CCDC9B: variants seen among roughly 807,000 people sequenced by gnomAD.
CCDC9B encodes the protein coiled-coil domain-containing protein 9B.
Under a neutral mutation model 47.2 loss-of-function variants are expected in CCDC9B, and 40 were observed. The ratio of observed to expected loss-of-function variants is 0.85; its 90% confidence interval spans 0.66 to 1.10. CCDC9B has a LOEUF of 1.10. CCDC9B is among the 50% of genes least tolerant of loss of function. The pLI is 0.00. For synonymous variants in CCDC9B, 238 were observed against 250.7 expected (o/e 0.95, Z 0.48); for missense variants, 662 against 651.0 (o/e 1.02, Z -0.18).
chr15:40,336,088 T>A (rs1256782089), intron 9 of CCDC9B: 1 of 985,258 alleles, frequency 1.0e-6, no homozygotes, highest in East Asian at 1.1e-4. Context: ...GGCCTCCATC[T>A]CCTTGCCAAA....
In CCDC9B at chr15:40,336,577, C is replaced by T. The variant is rs370895955; in HGVS notation, c.884G>A (p.Arg295Gln). The T allele has an allele frequency of 5.5e-5, 89 of 1,611,362 alleles. No individual in the cohort carries two copies. Among genetic ancestry groups the T allele is most frequent in the Non-Finnish European group, 6.8e-5 (80 of 1,179,418 alleles). ...TTTGTCCCCTGCCACCTGTTACCTT[C>T]GGGCCCTGCCAGTCAGCCTCTCCTT... is the stretch of plus-strand genomic sequence containing the variant. ...RGKERLTGRA[R>Q]RWDMKEDKEE... Residue 295 changes from arginine (R) to glutamine (Q), a missense_variant, in exon 9 of 11, where the codon CGA (arginine) becomes CAA (glutamine). By Grantham distance (43) the Arg-to-Gln change is conservative. Transcript: ENST00000397536.
chr15:40,335,181 G>C lies in CCDC9B; in HGVS notation c.1450C>G (p.Pro484Ala), dbSNP rs768598403. The C allele has an allele frequency of 6.6e-7, 1 of 1,514,362 alleles. No homozygotes were observed. The highest frequency in any genetic ancestry group is 8.8e-7 in the Non-Finnish European group (1 of 1,130,780). The allele number at this position is 1,514,362 out of a possible 1,614,324, so 93.8% of individuals were successfully genotyped here. The stretch of plus-strand genomic sequence containing the variant: ...GTTCAGCATCTTCCTGCCGGGCCAG[G>C]GCGCCCTGTCCTGCGCCTCACACCT... ...TAGVRRRTGR[P>A]GPAGRC is the part of the protein sequence containing the mutation. Residue 484 changes from proline to alanine, a missense_variant, in exon 11 of 11, where the codon CCT becomes GCT. Pro to Ala is a conservative substitution (Grantham distance 27). Coordinates refer to ENST00000397536, the MANE Select transcript of CCDC9B (RefSeq NM_207380.3).
intron 5 of CCDC9B, 28 bp from the exon 6 acceptor site, chr15:40,337,921 G>A: frequency 6.3e-7 from 1 of 1,578,200 alleles, no homozygotes; most frequent in South Asian, 1.2e-5. Flanking sequence ...TCAGAGTGAG[G>A]GGGAGAAGCA....
intron 2 of CCDC9B, 93 bp downstream of exon 2, chr15:40,339,812 G>C (rs544770916): frequency 7.2e-6 from 10 of 1,392,532 alleles, no homozygotes; most frequent in Non-Finnish European, 1.0e-5. Flanking sequence ...AGCCCCAGAG[G>C]CGCATTGCTG....
intron 7 of CCDC9B, chr15:40,337,170 C>T: frequency 3.0e-6 from 2 of 677,248 alleles, no homozygotes. Flanking sequence ...CCTTCTGGGG[C>T]CTTCTGCTCA....
Position 40,335,285 on chromosome 15 carries a change from C to G in CCDC9B, c.1346G>C (p.Gly449Ala), listed in dbSNP as rs1244379324. The G allele has an allele frequency of 6.2e-7, 1 of 1,611,684 alleles. No homozygotes were observed. Among genetic ancestry groups the G allele is most frequent in the Non-Finnish European group, 8.5e-7 (1 of 1,178,664 alleles). Reference protein sequence around the residue: ...GLPEPGEDRSGKSGAQQGLAP... With the variant: ...GLPEPGEDRSAKSGAQQGLAP... ...CAGGCCCTGCTGGGCCCCAGACTTG[C>G]CAGACCTGTCTTCTCCGGGCTCTGG... Residue 449 changes from glycine (G) to alanine (A), a missense_variant, in exon 11 of 11, where the codon GGC becomes GCC. Physicochemically the swap from Gly to Ala is moderately conservative, Grantham distance 60. Transcript: ENST00000397536.
rs199502649 is a variant in CCDC9B, at chr15:40,335,339, C to A, written c.1292G>T (p.Cys431Phe). The change falls in exon 11 of 11, where the codon TGC (cysteine) becomes TTC (phenylalanine). Residue 431 changes from cysteine to phenylalanine, a missense_variant. Physicochemically the swap from Cys to Phe is radical, Grantham distance 205. Transcript: ENST00000397536. The stretch of plus-strand genomic sequence containing the variant: ...CCCTGCTCCTCTCTGTGGCTCAGGG[C>A]AAGTCTGTACTTCCAGCTCAGCCTG... ...NHQAELEVQTCPEPQRGAGLP... is the reference protein window; with the variant it reads ...NHQAELEVQTFPEPQRGAGLP... 3.7e-6 allele frequency: 6 copies of A among 1,613,558 alleles called. No homozygotes were observed. The South Asian group carries it at 4.4e-5, about 12-fold the overall frequency.
rs201660531 is a variant in CCDC9B, at chr15:40,337,446, C to A, written c.684G>T (p.Thr228=). 1.1e-5 allele frequency: 17 copies of A among 1,562,432 alleles called. No individual in the cohort carries two copies. In the African/African-American group the frequency reaches 2.2e-4, roughly 20 times the overall value. The change falls in exon 7 of 11, where the codon ACG becomes ACT. Residue 228 remains threonine (T), a splice_region_variant and synonymous_variant. Coordinates refer to ENST00000397536, the MANE Select transcript of CCDC9B (RefSeq NM_207380.3). The part of the protein sequence containing the change: ...RPWDLDKAKS[T]LQDCSQLRGE... ...CCCTCAGCTGGCTGCAGTCCTGTAG[C>A]CTGTGTAGACAGAGGGAGTCAGGTT...
In CCDC9B at chr15:40,332,190, C is replaced by T. The variant is rs905337062; in HGVS notation, c.*2968G>A. On this transcript the variant is annotated 3_prime_UTR_variant, in exon 11 of 11. Coordinates refer to ENST00000397536, the MANE Select transcript of CCDC9B (RefSeq NM_207380.3). ...ACAAAGGAGCCAGGAAGAGGTAGAACCAGCTTCCCATGATGCCAAGCTCTG... is the reference window on the plus strand; with the variant it reads ...ACAAAGGAGCCAGGAAGAGGTAGAATCAGCTTCCCATGATGCCAAGCTCTG... 6.6e-6 allele frequency: 1 copy of T among 152,212 alleles called. No individual in the cohort carries two copies. The highest frequency in any genetic ancestry group is 1.5e-5 in the Non-Finnish European group (1 of 68,044). 9.4% of individuals were successfully genotyped at this position (152,212 alleles called of 1,614,324 possible).
rs1716670175 is a variant in CCDC9B at position 40,337,187 on chromosome 15, G to A, written c.742+201C>T. On this transcript the variant is annotated intron_variant, in intron 7 of 10. Coordinates refer to ENST00000397536, the MANE Select transcript of CCDC9B (RefSeq NM_207380.3). The stretch of plus-strand genomic sequence containing the variant: ...TTCTGGGGCCTTCTGCTCAGAACCT[G>A]GACAAGAGCTGTGGGCTCAGAGGGG... The A allele has an allele frequency of 4.2e-6, 3 of 712,476 alleles. No individual in the cohort carries two copies. The Admixed American group carries it at 6.2e-5, about 15-fold the overall frequency. 44.1% of individuals were successfully genotyped at this position (712,476 alleles called of 1,614,324 possible).
In CCDC9B at chr15:40,331,518, C is replaced by T. The variant is rs1888861044; in HGVS notation, c.*3640G>A. 1 of 143,466 alleles carries T rather than the reference C, an allele frequency of 7.0e-6. No individual in the cohort carries two copies. Among genetic ancestry groups the T allele is most frequent in the Non-Finnish European group, 1.6e-5 (1 of 62,910 alleles). The allele number at this position is 143,466 out of a possible 1,614,324, so 8.9% of individuals were successfully genotyped here. On this transcript the variant is annotated 3_prime_UTR_variant, in exon 11 of 11. Coordinates refer to ENST00000397536, the MANE Select transcript of CCDC9B (RefSeq NM_207380.3). The stretch of plus-strand genomic sequence containing the variant: ...TGAGTGCCTTCTGTGTGCCACGCTA[C>T]TGTTAAGACAGAGTCCAACTCCAAC...
rs533392306 is a variant in CCDC9B, at chr15:40,335,021, T to G, written c.*137A>C. The G allele has an allele frequency of 2.8e-5, 22 of 776,156 alleles. No homozygotes were observed. The highest frequency in any genetic ancestry group is 2.3e-4 in the African/African-American group (13 of 57,700). The allele number at this position is 776,156 out of a possible 1,614,324, so 48.1% of individuals were successfully genotyped here. On this transcript the variant is annotated 3_prime_UTR_variant, in exon 11 of 11. Transcript: ENST00000397536. ...ACTCCTTGCCCTCACAAGGTCGCCATGCTGGAGAGTTTGCCACACTGCTCA... is the reference window on the plus strand; with the variant it reads ...ACTCCTTGCCCTCACAAGGTCGCCAGGCTGGAGAGTTTGCCACACTGCTCA...
chr15:40,335,057 C>T lies in CCDC9B; in HGVS notation c.*101G>A, dbSNP rs1018259517. On this transcript the variant is annotated 3_prime_UTR_variant, in exon 11 of 11. Coordinates refer to ENST00000397536, the MANE Select transcript of CCDC9B (RefSeq NM_207380.3). The stretch of plus-strand genomic sequence containing the variant: ...TTGCCACACTGCTCAGTGACAATGG[C>T]GCAAGCCACCGGCAACCACATGGCC... 33 of 1,219,582 alleles carry T rather than the reference C, an allele frequency of 2.7e-5. No homozygotes were observed. Among genetic ancestry groups the T allele is most frequent in the East Asian group, 2.2e-4 (9 of 41,092 alleles). The allele number at this position is 1,219,582 out of a possible 1,614,324, so 75.5% of individuals were successfully genotyped here. A position where few individuals can be genotyped will look rare whatever the true frequency, so the allele number is the denominator to read the frequency against.
chr15:40,338,208 A>G, intron 5 of CCDC9B: 2 of 706,694 alleles, frequency 2.8e-6, no homozygotes. Context: ...AGCAAGGGCA[A>G]GGACTAGGGG....
rs769658406 is a variant in CCDC9B, at chr15:40,335,829, G to A, written c.888-3C>T. On this transcript the variant is annotated splice_polypyrimidine_tract_variant and splice_region_variant and intron_variant, in intron 9 of 10. Coordinates refer to ENST00000397536, the MANE Select transcript of CCDC9B (RefSeq NM_207380.3). ...CCTTGTCTTCCTTCATATCCCACCT[G>A]TAGAAACACAGCTCATGGCACGCCC... The A allele has an allele frequency of 3.1e-6, 5 of 1,609,716 alleles. No homozygotes were observed. Among genetic ancestry groups the A allele is most frequent in the Non-Finnish European group, 4.2e-6 (5 of 1,177,968 alleles).
At position 40,339,968 on chromosome 15, in the gene CCDC9B, T is replaced by C. The variant is rs1404404909; in HGVS notation, c.60A>G (p.Ala20=). 1.2e-6 allele frequency: 2 copies of C among 1,613,792 alleles called. No individual in the cohort carries two copies. The highest frequency in any genetic ancestry group is 2.2e-5 in the East Asian group (1 of 44,892). ...ESPMSRQEKD[A]ELDRRIVALR... is the part of the protein sequence containing the mutation. ...GGGCAACTATCCTCCGATCCAGCTC[T>C]GCGTCCTTCTCCTGCCTGCTCATGG... is the stretch of plus-strand genomic sequence containing the variant. The change falls in exon 2 of 11, where the codon GCA becomes GCG. Residue 20 remains alanine, a synonymous_variant. Coordinates refer to ENST00000397536, the MANE Select transcript of CCDC9B (RefSeq NM_207380.3).
chr15:40,335,291 C>A lies in CCDC9B; in HGVS notation c.1340G>T (p.Arg447Met), dbSNP rs764883604. ...GAGLPEPGED[R>M]SGKSGAQQGL... ...CTGCTGGGCCCCAGACTTGCCAGAC[C>A]TGTCTTCTCCGGGCTCTGGGAGCCC... The change falls in exon 11 of 11, where the codon AGG becomes ATG. Residue 447 changes from arginine (R) to methionine (M), a missense_variant. Arg to Met is a moderately conservative substitution (Grantham distance 91). Transcript: ENST00000397536. 10 of 1,612,324 alleles carry A rather than the reference C, an allele frequency of 6.2e-6. No individual in the cohort carries two copies. The highest frequency in any genetic ancestry group is 8.5e-6 in the Non-Finnish European group (10 of 1,178,986).
At chr15:40,340,642 C>T in intron 1 of CCDC9B, 166 bp downstream of exon 1, 1 of 657,594 alleles carries the variant, frequency 1.5e-6, no homozygotes, top group Non-Finnish European at 2.5e-6. Flanking sequence ...CATCAAGATT[C>T]CAGGTTCCTC....
chr15:40,338,734 A>G lies in CCDC9B; in HGVS notation c.387+14T>C, dbSNP rs1341547759. 1.9e-6 allele frequency: 3 copies of G among 1,611,278 alleles called. No homozygotes were observed. Among genetic ancestry groups the G allele is most frequent in the African/African-American group, 2.7e-5 (2 of 74,882 alleles). ...CTGCCTGCCGATGCCTGCACTCCCC[A>G]CCACCCTGCTCACCTCTGCTTTGTT... is the stretch of plus-strand genomic sequence containing the variant. On this transcript the variant is annotated intron_variant, in intron 4 of 10. Coordinates refer to ENST00000397536, the MANE Select transcript of CCDC9B (RefSeq NM_207380.3).
Sources: allele counts gnomAD v4.1 joint callset, GRCh38; gene constraint gnomAD v4.1.1; transcripts MANE v1.5; gene names NCBI Gene and HGNC (gene_info 2026-07-23, HGNC 2026-07-21).